Variants in FREM2 observed in about 807,000 individuals in gnomAD.
The protein encoded by FREM2 is FRAS1-related extracellular matrix protein 2.
FREM2 carries 119 observed loss-of-function variants against 219.9 expected under a neutral mutation model. That is an observed-to-expected ratio of 0.54 (90% CI 0.47 to 0.63). The LOEUF (loss-of-function observed/expected upper bound fraction) is 0.63. Ranked by LOEUF, FREM2 falls within the 30% of genes least tolerant of loss-of-function variation. The pLI is 0.00. For missense variants in FREM2, 4,030 were observed against 3,993.6 expected (o/e 1.01, Z -0.25); for synonymous variants, 1,562 against 1,522.8 (o/e 1.03, Z -0.60).
At chr13:38,751,613 T>C (rs1566128335) in intron 2 of FREM2, among the ~76,000 whole-genome samples, 1 of 152,152 alleles carries the variant, frequency 6.6e-6, no homozygotes, top group Non-Finnish European at 1.5e-5. Flanking sequence ...CCCCAGGAGA[T>C]TTCTGTTAGC....
chr13:38,736,343 T>TTACG (rs1214721520), intron 2 of FREM2, among the ~76,000 whole-genome samples: 7 of 152,172 alleles, frequency 4.6e-5, no homozygotes, highest in Non-Finnish European at 7.3e-5. Flanking sequence ...GCTGAGAGGC[T>TTACG]TACGTATGAA....
intron 2 of FREM2, among the ~76,000 whole-genome samples, chr13:38,748,597 C>T (rs1454819050): frequency 6.6e-6 from 1 of 152,146 alleles, no homozygotes; most frequent in Admixed American, 6.5e-5. Context: ...TTGAGAAATG[C>T]TGTGTGCTCC....
intron 16 of FREM2, among the ~76,000 whole-genome samples, chr13:38,864,997 T>A (rs1877908187): frequency 6.6e-6 from 1 of 152,032 alleles, no homozygotes; most frequent in South Asian, 2.1e-4. Flanking sequence ...TAAAGTGAGG[T>A]TTTACAATCC....
rs1869546127 is a variant in FREM2 at position 38,687,747 on chromosome 13, G to A, written c.403G>A (p.Glu135Lys). The A allele has an allele frequency of 1.9e-6, 3 of 1,544,098 alleles. No individual in the cohort carries two copies. Among genetic ancestry groups the A allele is most frequent in the African/African-American group, 1.4e-5 (1 of 73,346 alleles). ...CTTCCCGTGCGACTTTGGCCCTGGC[G>A]AGGTGCGCTACTCTCACCTGGGCGC... ...KRFPCDFGPG[E>K]VRYSHLGARS... The change falls in exon 1 of 24, where the codon GAG becomes AAG. Residue 135 changes from glutamate (E) to lysine (K), a missense_variant. Around this residue, in one of 2 missense-constraint regions of FREM2, gnomAD observed 3,102 missense variants for 2,950.7 expected, o/e 1.05. Coordinates refer to ENST00000280481, the MANE Select transcript of FREM2 (RefSeq NM_207361.6).
At position 38,688,249 on chromosome 13, in the gene FREM2, A is replaced by G; in HGVS notation, c.905A>G (p.His302Arg). ...PVGSPALKRE[H>R]FQVLVRIRGG... ...GGCAGCCCTGCTTTGAAACGCGAGC[A>G]CTTCCAGGTTCTGGTGAGGATCCGA... The change falls in exon 1 of 24, where the codon CAC becomes CGC. Residue 302 changes from histidine to arginine, a missense_variant. This residue lies in a region of FREM2 where 3,102 missense variants were observed against 2,950.7 expected (regional missense o/e 1.05). Coordinates refer to ENST00000280481, the MANE Select transcript of FREM2 (RefSeq NM_207361.6). 1 of 1,613,914 alleles carries G rather than the reference A, an allele frequency of 6.2e-7. No homozygotes were observed. Among genetic ancestry groups the G allele is most frequent in the Non-Finnish European group, 8.5e-7 (1 of 1,180,006 alleles).
chr13:38,796,915 A>G (rs779396301), intron 6 of FREM2, among the ~76,000 whole-genome samples: 2 of 151,734 alleles, frequency 1.3e-5, no homozygotes, highest in African/African-American at 4.8e-5. Flanking sequence ...GAGTTTTGCT[A>G]TGTTTCACAA....
chr13:38,764,024 TA>T (rs1873338477), intron 2 of FREM2, among the ~76,000 whole-genome samples: 1 of 152,182 alleles, frequency 6.6e-6, no homozygotes, highest in South Asian at 2.1e-4. Context: ...GTTTTAGGAT[TA>T]AACTAAATAG....
At chr13:38,777,752 A>C (rs1873932574) in intron 4 of FREM2, among the ~76,000 whole-genome samples, 2 of 152,176 alleles carry the variant, frequency 1.3e-5, no homozygotes, top group African/African-American at 4.8e-5. Flanking sequence ...GAAGTTGAAA[A>C]GGAATGTTAA....
At chr13:38,737,180 C>T (rs1872033945) in intron 2 of FREM2, among the ~76,000 whole-genome samples, 2 of 152,092 alleles carry the variant, frequency 1.3e-5, no homozygotes, top group South Asian at 2.1e-4. Context: ...TTGCATCTGC[C>T]ACCCCTAATA....
intron 17 of FREM2, among the ~76,000 whole-genome samples, chr13:38,873,428 G>A (rs982924371): frequency 2.0e-5 from 3 of 151,992 alleles, no homozygotes; most frequent in Non-Finnish European, 2.9e-5. Flanking sequence ...AACCTTTCTG[G>A]GACTTAACTT....
chr13:38,766,161 G>C (rs1593393990), intron 3 of FREM2, among the ~76,000 whole-genome samples: 1 of 152,100 alleles, frequency 6.6e-6, no homozygotes, highest in Admixed American at 6.5e-5. Context: ...GGATAACATT[G>C]GGAAAGTTAA....
chr13:38,764,092 G>T (rs971452392), intron 2 of FREM2, among the ~76,000 whole-genome samples: 1 of 152,164 alleles, frequency 6.6e-6, no homozygotes, highest in African/African-American at 2.4e-5. Context: ...AAAACAGCAA[G>T]GAATTTGTGA....
intron 6 of FREM2, among the ~76,000 whole-genome samples, chr13:38,832,825 G>A (rs1286797147): frequency 2.6e-5 from 4 of 151,958 alleles, no homozygotes; most frequent in African/African-American, 7.3e-5. Context: ...CGGACAGATC[G>A]CTTGAGTCCA....
chr13:38,827,184 G>A (rs1876323036), intron 6 of FREM2, among the ~76,000 whole-genome samples: 1 of 151,980 alleles, frequency 6.6e-6, no homozygotes, highest in South Asian at 2.1e-4. Flanking sequence ...CCACATTCTA[G>A]TTGTGTGGCG....
chr13:38,790,495 G>T (rs1470238371), intron 6 of FREM2, among the ~76,000 whole-genome samples: 1 of 151,998 alleles, frequency 6.6e-6, no homozygotes, highest in South Asian at 2.1e-4. Context: ...AAATATTGCT[G>T]TTATAATTCA....
chr13:38,775,612 A>C (rs908397762), intron 4 of FREM2, among the ~76,000 whole-genome samples: 2 of 152,268 alleles, frequency 1.3e-5, no homozygotes, highest in Non-Finnish European at 1.5e-5. Context: ...TTACCGAAAG[A>C]TTCACTTTAT....
intron 4 of FREM2, among the ~76,000 whole-genome samples, chr13:38,777,802 A>G (rs1272168115): frequency 6.6e-6 from 1 of 152,174 alleles, no homozygotes; most frequent in Non-Finnish European, 1.5e-5. Flanking sequence ...TGTCTCTGTG[A>G]TACCCTTTTC....
Position 38,687,974 on chromosome 13 carries a change from G to A in FREM2, c.630G>A (p.Gln210=), listed in dbSNP as rs776146721. 28 of 1,612,620 alleles carry A rather than the reference G, an allele frequency of 1.7e-5. No individual in the cohort carries two copies. The highest frequency in any genetic ancestry group is 2.4e-5 in the Non-Finnish European group (28 of 1,179,290). Residue 210 remains glutamine, a synonymous_variant, in exon 1 of 24, where the codon CAG becomes CAA. Transcript: ENST00000280481. ...CGCGGAGCCTGGAGTTCGCCTTCCA[G>A]CCCGAGACAGAGGAGTGCCGCGTGG... ...LDARSLEFAF[Q]PETEECRVGI... is the part of the protein sequence containing the mutation.
rs560168381 is a variant in FREM2 at position 38,883,320 on chromosome 13, A to G, written c.*2533A>G. ...AAGAATATGGTAAATTTTTTGTTAA[A>G]TAAAATAGACCCTTATGTTTAGCAT... On this transcript the variant is annotated 3_prime_UTR_variant, in exon 24 of 24. Coordinates refer to ENST00000280481, the MANE Select transcript of FREM2 (RefSeq NM_207361.6). The G allele has an allele frequency of 1.1e-4, 16 of 152,270 alleles. No homozygotes were observed. In the East Asian group the frequency reaches 2.9e-3, roughly 28 times the overall value. The allele number at this position is 152,270 out of a possible 1,614,324, so 9.4% of individuals were successfully genotyped here.
Sources: gnomAD v4.1 joint callset for allele counts (sites outside exome capture counted in the v4.1 genomes callset) on GRCh38, gnomAD v4.1.1 for gene constraint, gnomAD v4.1.1 regional missense constraint, MANE v1.5 for transcripts, NCBI Gene and HGNC (gene_info 2026-07-23, HGNC 2026-07-21) for gene names.